Variants in ATP9A observed in about 807,000 individuals in gnomAD.
ATP9A encodes the protein probable phospholipid-transporting ATPase IIA.
A neutral mutation model predicts 144.1 loss-of-function variants in ATP9A; 52 were observed. The observed-to-expected ratio is 0.36, with a 90% CI of 0.29 to 0.45. The LOEUF (loss-of-function observed/expected upper bound fraction) is 0.45, where lower values mean the gene tolerates loss of function less well. Ranked by LOEUF, ATP9A falls within the 20% of genes least tolerant of loss-of-function variation. The pLI, the probability that ATP9A is intolerant of heterozygous loss-of-function variation, is 1.00. For synonymous variants in ATP9A, 582 were observed against 557.4 expected (o/e 1.04, Z -0.62); for missense variants, 947 against 1,392.7 (o/e 0.68, Z 5.09).
intron 1 of ATP9A, among the ~76,000 whole-genome samples, chr20:51,752,710 C>T (rs1238635802): frequency 1.3e-5 from 2 of 152,174 alleles, no homozygotes; most frequent in African/African-American, 2.4e-5. Flanking sequence ...CAGGCTTATC[C>T]GATCCCAGTT....
chr20:51,608,922 CGTGTGTGTGT>C (rs1214031645), intron 24 of ATP9A, among the ~76,000 whole-genome samples: 53 of 142,908 alleles, frequency 3.7e-4, no homozygotes, highest in African/African-American at 1.3e-3. Flanking sequence ...GGAAATAAGA[CGTGTGTGTGT>C]GTGTGTGTGT....
chr20:51,671,303 G>T (rs188330749), intron 11 of ATP9A, 46 bp from the exon 12 acceptor site: 10 of 1,592,050 alleles, frequency 6.3e-6, no homozygotes, highest in Non-Finnish European at 8.6e-6. Flanking sequence ...CAGATGTAAG[G>T]CTCCTTGTAT....
intron 15 of ATP9A, among the ~76,000 whole-genome samples, chr20:51,632,836 A>C (rs1004101771): frequency 6.6e-6 from 1 of 152,200 alleles, no homozygotes; most frequent in Admixed American, 6.5e-5. Context: ...CAAAACCAAG[A>C]AAAAAGCGAG....
chr20:51,608,562 C>G lies in ATP9A; in HGVS notation c.2701G>C (p.Glu901Gln). The G allele has an allele frequency of 6.2e-7, 1 of 1,613,620 alleles. No homozygotes were observed. The highest frequency in any genetic ancestry group is 8.5e-7 in the Non-Finnish European group (1 of 1,179,532). Residue 901 changes from glutamate (E) to glutamine (Q), a missense_variant, in exon 25 of 28, where the codon GAA becomes CAA. Glu to Gln is a conservative substitution (Grantham distance 29). This residue lies in a region of ATP9A where 177 missense variants were observed against 344.9 expected (regional missense o/e 0.51). Coordinates refer to ENST00000338821, the MANE Select transcript of ATP9A (RefSeq NM_006045.3). The stretch of plus-strand genomic sequence containing the variant: ...AGCTCAGGATACAGCATGGCAACTT[C>G]CGATTTGACATCTTTGTCCAGGACC... The part of the protein sequence containing the change: ...SLVLDKDVKS[E>Q]VAMLYPELYK...
intron 7 of ATP9A, among the ~76,000 whole-genome samples, chr20:51,691,404 G>A (rs899251913): frequency 1.3e-4 from 20 of 152,224 alleles, no homozygotes; most frequent in African/African-American, 4.8e-4. Context: ...AGGAGGTGAA[G>A]GTTGCAGTAA....
intron 15 of ATP9A, among the ~76,000 whole-genome samples, chr20:51,636,103 T>C (rs1379167794): frequency 6.6e-6 from 1 of 152,110 alleles, no homozygotes; most frequent in Non-Finnish European, 1.5e-5. Context: ...CAATAACTTA[T>C]AACAAAATAG....
At chr20:51,719,769 G>A (rs541233885) in intron 3 of ATP9A, among the ~76,000 whole-genome samples, 1 of 140,500 alleles carries the variant, frequency 7.1e-6, no homozygotes, top group African/African-American at 2.7e-5. Context: ...GAAACGGGCT[G>A]GGCACAGTGG....
At chr20:51,704,502 G>A (rs756741646) in intron 4 of ATP9A, among the ~76,000 whole-genome samples, 3 of 152,010 alleles carry the variant, frequency 2.0e-5, no homozygotes, top group South Asian at 2.1e-4. Flanking sequence ...ATATCTGGGC[G>A]GGGCACAGTG....
At chr20:51,696,723 A>T (rs186995056) in intron 5 of ATP9A, among the ~76,000 whole-genome samples, 1 of 152,306 alleles carries the variant, frequency 6.6e-6, no homozygotes, top group Non-Finnish European at 1.5e-5. Context: ...AAAGAGTTTC[A>T]CTTTACCTTA....
At chr20:51,693,664 A>G (rs879649079) in intron 7 of ATP9A, among the ~76,000 whole-genome samples, 1 of 152,120 alleles carries the variant, frequency 6.6e-6, no homozygotes, top group Non-Finnish European at 1.5e-5. Context: ...CAGCCTCTTG[A>G]GGAGCGGGGA....
chr20:51,650,120 C>G (rs2077357581), intron 14 of ATP9A, among the ~76,000 whole-genome samples: 1 of 152,142 alleles, frequency 6.6e-6, no homozygotes. Context: ...TAAAACTCAG[C>G]CCTCGCTGAG....
At chr20:51,623,568 G>C (rs1158750545) in intron 18 of ATP9A, among the ~76,000 whole-genome samples, 1 of 152,084 alleles carries the variant, frequency 6.6e-6, no homozygotes. Context: ...ACCACTTGAG[G>C]TCAGGAGTTC....
chr20:51,741,728 T>C (rs1373068515), intron 1 of ATP9A, among the ~76,000 whole-genome samples: 5 of 152,188 alleles, frequency 3.3e-5, no homozygotes, highest in Admixed American at 1.3e-4. Context: ...CACAATTTTG[T>C]CTAAATTTGA....
At chr20:51,744,844 A>T (rs2077800698) in intron 1 of ATP9A, among the ~76,000 whole-genome samples, 1 of 152,206 alleles carries the variant, frequency 6.6e-6, no homozygotes, top group Non-Finnish European at 1.5e-5. Context: ...GAAAAATTAA[A>T]AGTAGCCAGA....
chr20:51,672,041 C>T (rs2077458357), intron 11 of ATP9A, among the ~76,000 whole-genome samples: 2 of 152,004 alleles, frequency 1.3e-5, no homozygotes, highest in Admixed American at 1.3e-4. Context: ...CTCAAGTGAT[C>T]CACCCGTCTT....
chr20:51,754,080 G>A (rs2122908553), intron 1 of ATP9A, among the ~76,000 whole-genome samples: 1 of 147,882 alleles, frequency 6.8e-6, no homozygotes, highest in East Asian at 2.2e-4. Flanking sequence ...TTCAAGAAGA[G>A]AGTGCCTGGC....
intron 10 of ATP9A, among the ~76,000 whole-genome samples, chr20:51,675,815 G>A (rs2077474476): frequency 1.3e-5 from 2 of 151,398 alleles, no homozygotes; most frequent in Non-Finnish European, 2.9e-5. Context: ...GGGAGGCAGA[G>A]GTTACAGTGA....
chr20:51,616,712 A>C (rs1347145476), intron 22 of ATP9A, among the ~76,000 whole-genome samples: 1 of 152,204 alleles, frequency 6.6e-6, no homozygotes, highest in Non-Finnish European at 1.5e-5. Context: ...TGTAAGAGGC[A>C]AGCGCACAAT....
Position 51,713,040 on chromosome 20 carries a change from G to T in ATP9A, c.362C>A (p.Ala121Glu). ...FVLAVTVIREAVEEIRCYVRD... is the reference protein window; with the variant it reads ...FVLAVTVIREEVEEIRCYVRD... ...CACGTAGCATCGGATCTCCTCCACC[G>T]CCTCACGGATGACAGTGACGGCCAG... Residue 121 changes from alanine (A) to glutamate (E), a missense_variant, in exon 4 of 28, where the codon GCG (alanine) becomes GAG (glutamate). Transcript: ENST00000338821. 1 of 1,612,776 alleles carries T rather than the reference G, an allele frequency of 6.2e-7. No homozygotes were observed. The highest frequency in any genetic ancestry group is 8.5e-7 in the Non-Finnish European group (1 of 1,179,548).
Sources: gnomAD v4.1 joint callset for allele counts (sites outside exome capture counted in the v4.1 genomes callset) on GRCh38, gnomAD v4.1.1 for gene constraint, gnomAD v4.1.1 regional missense constraint, MANE v1.5 for transcripts, NCBI Gene and HGNC (gene_info 2026-07-23, HGNC 2026-07-21) for gene names.